PRKCA: variants seen among roughly 807,000 people sequenced by gnomAD.
The protein encoded by PRKCA is protein kinase C alpha type.
PRKCA carries 27 observed loss-of-function variants against 87.0 expected under a neutral mutation model. The observed-to-expected ratio is 0.31, with a 90% CI of 0.23 to 0.43. The LOEUF (loss-of-function observed/expected upper bound fraction) is 0.43. Ranked by LOEUF, PRKCA falls within the 20% of genes least tolerant of loss-of-function variation. The pLI, the probability that PRKCA is intolerant of heterozygous loss-of-function variation, is 1.00. For missense variants in PRKCA, 518 were observed against 852.3 expected, an observed-to-expected ratio of 0.61 and a Z score of 4.88; for synonymous variants, 329 against 311.1, an observed-to-expected ratio of 1.06 and a Z score of -0.61.
chr17:66,425,048 C>T (rs1912722512), intron 2 of PRKCA, among the ~76,000 whole-genome samples: 1 of 152,092 alleles, frequency 6.6e-6, no homozygotes, highest in African/African-American at 2.4e-5. Context: ...AGGCATGATC[C>T]ACCGTGCCCA....
chr17:66,557,110 A>G (rs1364179877), intron 3 of PRKCA, among the ~76,000 whole-genome samples: 1 of 152,210 alleles, frequency 6.6e-6, no homozygotes, highest in African/African-American at 2.4e-5. Context: ...AATTTCTTCA[A>G]CTGGTTGGAA....
At chr17:66,320,154 C>G (rs1478079367) in intron 2 of PRKCA, among the ~76,000 whole-genome samples, 2 of 152,054 alleles carry the variant, frequency 1.3e-5, no homozygotes, top group African/African-American at 4.8e-5. Context: ...AAGAAAGGAC[C>G]GTAGAGGCTG....
chr17:66,658,491 AAACAACAACAACAAC>A (rs61208838), intron 5 of PRKCA, among the ~76,000 whole-genome samples: 23 of 150,384 alleles, frequency 1.5e-4, no homozygotes, highest in East Asian at 7.8e-4. Flanking sequence ...CTGTCTTCAA[AAACAACAACAACAAC>A]AACAACAACA....
intron 2 of PRKCA, among the ~76,000 whole-genome samples, chr17:66,420,133 T>TC (rs1912403924): frequency 6.7e-6 from 1 of 149,758 alleles, no homozygotes; most frequent in African/African-American, 2.4e-5. Flanking sequence ...TGCCTCAGCC[T>TC]CCCAAGTAGC....
intron 3 of PRKCA, among the ~76,000 whole-genome samples, chr17:66,551,205 G>A (rs1968315802): frequency 6.6e-6 from 1 of 152,178 alleles, no homozygotes; most frequent in African/African-American, 2.4e-5. Flanking sequence ...TGGGACCACA[G>A]GCATGCACTG....
At chr17:66,390,541 G>A (rs905527311) in intron 2 of PRKCA, among the ~76,000 whole-genome samples, 1 of 152,138 alleles carries the variant, frequency 6.6e-6, no homozygotes, top group African/African-American at 2.4e-5. Flanking sequence ...TAGCATCTGC[G>A]GTTATTTTCT....
At chr17:66,779,745 G>A (rs1482747634) in intron 14 of PRKCA, among the ~76,000 whole-genome samples, 5 of 152,136 alleles carry the variant, frequency 3.3e-5, no homozygotes, top group African/African-American at 4.8e-5. Context: ...GGGAAGGAGC[G>A]GGTGAGAGGG....
intron 13 of PRKCA, among the ~76,000 whole-genome samples, chr17:66,756,877 G>C (rs1168776087): frequency 1.3e-5 from 2 of 152,132 alleles, no homozygotes; most frequent in Non-Finnish European, 2.9e-5. Context: ...TGCCCAGGCT[G>C]GTCTTGAACT....
rs926949863 is a variant in PRKCA at position 66,397,629 on chromosome 17, T to C, written c.205+91502T>C. 4.6e-5 allele frequency among the ~76,000 whole-genome samples: 7 copies of C among 152,236 alleles called. No individual in the cohort carries two copies. In the South Asian group the frequency reaches 6.2e-4, roughly 14 times the overall value. ...TGTCGTTGCCCTTTTTCTTTTTTTT[T>C]CCAACTCAGCTAAGTTCAGCACTAG... On this transcript the variant is annotated intron_variant, in intron 2 of 16. Coordinates refer to ENST00000413366, the MANE Select transcript of PRKCA (RefSeq NM_002737.3).
intron 2 of PRKCA, among the ~76,000 whole-genome samples, chr17:66,477,050 G>A (rs1223104830): frequency 1.3e-5 from 2 of 152,130 alleles, no homozygotes; most frequent in Non-Finnish European, 2.9e-5. Flanking sequence ...ATAGGGGTGT[G>A]CAGATGAGGA....
intron 16 of PRKCA, among the ~76,000 whole-genome samples, chr17:66,794,331 G>T (rs1025827032): frequency 6.6e-6 from 1 of 152,180 alleles, no homozygotes; most frequent in Non-Finnish European, 1.5e-5. Flanking sequence ...GGACATCCCT[G>T]TAGTGAGAAC....
intron 2 of PRKCA, among the ~76,000 whole-genome samples, chr17:66,471,886 C>A (rs1168562557): frequency 6.6e-6 from 1 of 152,038 alleles, no homozygotes; most frequent in South Asian, 2.1e-4. Context: ...TGGGGCCGGG[C>A]AAATGCATAT....
intron 5 of PRKCA, among the ~76,000 whole-genome samples, chr17:66,658,535 A>G (rs954714318): frequency 4.6e-5 from 7 of 152,064 alleles, no homozygotes; most frequent in South Asian, 2.1e-4. Flanking sequence ...AGATCTCATT[A>G]TCTTCACCTC....
intron 2 of PRKCA, among the ~76,000 whole-genome samples, chr17:66,438,769 C>T (rs573811433): frequency 2.0e-5 from 3 of 152,228 alleles, no homozygotes; most frequent in South Asian, 2.1e-4. Flanking sequence ...GGAGAATGAA[C>T]GAGTGCTCAG....
intron 2 of PRKCA, among the ~76,000 whole-genome samples, chr17:66,444,591 C>T (rs1271064714): frequency 6.6e-6 from 1 of 152,038 alleles, no homozygotes; most frequent in Non-Finnish European, 1.5e-5. Context: ...TAAAATACTG[C>T]ATGTTATCAG....
At chr17:66,540,342 G>C (rs901641678) in intron 3 of PRKCA, among the ~76,000 whole-genome samples, 3 of 152,342 alleles carry the variant, frequency 2.0e-5, no homozygotes, top group Admixed American at 6.5e-5. Context: ...CTCTAAAAGA[G>C]GGGGCGGAGA....
chr17:66,626,092 G>A (rs1022462151), intron 3 of PRKCA, among the ~76,000 whole-genome samples: 4 of 152,204 alleles, frequency 2.6e-5, no homozygotes, highest in Non-Finnish European at 4.4e-5. Flanking sequence ...CTGCGTACAG[G>A]TGAAGCATGG....
At chr17:66,727,691 G>A (rs371654685) in intron 8 of PRKCA, among the ~76,000 whole-genome samples, 1 of 152,022 alleles carries the variant, frequency 6.6e-6, no homozygotes, top group South Asian at 2.1e-4. Flanking sequence ...GAGTTTTCTT[G>A]AAGAAATAGC....
intron 8 of PRKCA, among the ~76,000 whole-genome samples, chr17:66,717,243 G>A (rs986628205): frequency 6.6e-6 from 1 of 152,182 alleles, no homozygotes; most frequent in Non-Finnish European, 1.5e-5. Context: ...TCACCATTAA[G>A]GCTTTATTGG....
Sources: allele counts gnomAD v4.1 joint callset (sites outside exome capture counted in the v4.1 genomes callset), GRCh38; gene constraint gnomAD v4.1.1; transcripts MANE v1.5; gene names NCBI Gene and HGNC (gene_info 2026-07-23, HGNC 2026-07-21).